EYS: variants seen among roughly 807,000 people sequenced by gnomAD.
EYS encodes the protein EGF-like photoreceptor maintenance factor.
A neutral mutation model predicts 282.1 loss-of-function variants in EYS; 250 were observed. That is an observed-to-expected ratio of 0.89 (90% CI 0.80 to 0.98). The LOEUF (loss-of-function observed/expected upper bound fraction) is 0.98, where lower values mean the gene tolerates loss of function less well. Among genes scored for constraint, EYS ranks in the 50% least tolerant of loss-of-function variants. EYS has a pLI of 0.00. For missense variants in EYS, 4,016 were observed against 3,709.0 expected, an observed-to-expected ratio of 1.08 and a Z score of -2.15; for synonymous variants, 1,355 against 1,282.9, an observed-to-expected ratio of 1.06 and a Z score of -1.20.
In EYS at chr6:65,367,029, C is replaced by T. The variant is rs1764939160; in HGVS notation, c.1300-13412G>A. ...TTTATCTCAAGATACTTATCTTCAA[C>T]GTATCTGCAAAGTCCTTTTTGCCAT... On this transcript the variant is annotated intron_variant, in intron 8 of 42. Coordinates refer to ENST00000503581, the MANE Select transcript of EYS (RefSeq NM_001142800.2). Among the ~76,000 whole-genome samples, 2 of 151,604 alleles carry T rather than the reference C, an allele frequency of 1.3e-5. 1 individual carries two copies. The highest frequency in any genetic ancestry group is 1.3e-4 in the Admixed American group (2 of 14,922).
intron 5 of EYS, among the ~76,000 whole-genome samples, chr6:65,443,264 A>G (rs1268746267): frequency 9.5e-5 from 14 of 147,672 alleles, no homozygotes; most frequent in African/African-American, 2.9e-4. Flanking sequence ...ACATATATGC[A>G]AACATATAGA....
chr6:64,018,207 C>T (rs928791938), intron 33 of EYS, among the ~76,000 whole-genome samples: 69 of 152,034 alleles, frequency 4.5e-4, no homozygotes, highest in African/African-American at 1.6e-3. Context: ...GAAAAATATG[C>T]TACCATGGGA....
chr6:64,045,907 A>ATTATATATGTAATATATAATACATATATG (rs1770601308), intron 33 of EYS, among the ~76,000 whole-genome samples: 1 of 136,888 alleles, frequency 7.3e-6, no homozygotes, highest in Non-Finnish European at 1.7e-5. Flanking sequence ...TAATACATAT[A>ATTATATATGTAATATATAATACATATATG]TGTTTATTAT....
At chr6:64,392,650 C>T (rs1208106884) in intron 28 of EYS, among the ~76,000 whole-genome samples, 2 of 150,804 alleles carry the variant, frequency 1.3e-5, no homozygotes, top group African/African-American at 4.9e-5. Flanking sequence ...AAATTTATAG[C>T]ACTAAATGCC....
intron 26 of EYS, among the ~76,000 whole-genome samples, chr6:64,504,387 C>G (rs1013287779): frequency 1.3e-5 from 2 of 152,188 alleles, no homozygotes; most frequent in Non-Finnish European, 2.9e-5. Context: ...AATATAAGAA[C>G]CCATCTGACA....
intron 36 of EYS, among the ~76,000 whole-genome samples, chr6:63,813,162 T>C (rs1771092058): frequency 6.6e-6 from 1 of 151,992 alleles, no homozygotes; most frequent in East Asian, 1.9e-4. Flanking sequence ...TATTTTTTTG[T>C]AGAGATGGGG....
chr6:63,961,216 T>G (rs560378239), intron 35 of EYS, among the ~76,000 whole-genome samples: 1 of 152,314 alleles, frequency 6.6e-6, no homozygotes, highest in South Asian at 2.1e-4. Flanking sequence ...GGGTCCAAGC[T>G]AAGCCATCAT....
Position 65,330,693 on chromosome 6 carries a change from T to C in EYS, c.1766+4287A>G, listed in dbSNP as rs975632288. 7 of 944,278 alleles carry C rather than the reference T, an allele frequency of 7.4e-6. 1 individual carries two copies. The African/African-American group carries it at 1.2e-4, about 17-fold the overall frequency. The allele number at this position is 944,278 out of a possible 1,614,324, so 58.5% of individuals were successfully genotyped here. Reference sequence around the variant, plus strand: ...TCATCAACATTATTAGTGTCTATCATTATAATACTATCATTATTTTGCCTT... The same window carrying C: ...TCATCAACATTATTAGTGTCTATCACTATAATACTATCATTATTTTGCCTT... On this transcript the variant is annotated intron_variant, in intron 11 of 42. Transcript: ENST00000503581.
intron 31 of EYS, among the ~76,000 whole-genome samples, chr6:64,085,020 T>TG (rs912696283): frequency 3.3e-5 from 5 of 151,696 alleles, no homozygotes; most frequent in African/African-American, 1.2e-4. Flanking sequence ...TTTCTTCTGT[T>TG]GTTTTTTTTG....
chr6:63,850,320 C>A (rs1235112847), intron 36 of EYS, among the ~76,000 whole-genome samples: 2 of 152,014 alleles, frequency 1.3e-5, no homozygotes, highest in Non-Finnish European at 2.9e-5. Flanking sequence ...TCAGGAAATA[C>A]AGAGAACACC....
rs1034996144 is a variant in EYS, at chr6:63,806,286, T to A, written c.7315A>T (p.Ser2439Cys). 4 of 1,551,590 alleles carry A rather than the reference T, an allele frequency of 2.6e-6. No homozygotes were observed. In the African/African-American group the frequency reaches 5.5e-5, roughly 21 times the overall value. Residue 2439 changes from serine to cysteine, a missense_variant, in exon 37 of 43, where the codon AGC becomes TGC. Ser to Cys is a moderately radical substitution (Grantham distance 112). Transcript: ENST00000503581. ...TTCAGGTGGAATTCATAATGGAAGC[T>A]GATGTCTGAGATCCGTGAATAAGCC... ...FLAYSRISDI[S>C]FHYEFHLKFQ...
At chr6:64,165,240 AAAC>A (rs1354488416) in intron 31 of EYS, among the ~76,000 whole-genome samples, 1 of 152,120 alleles carries the variant, frequency 6.6e-6, no homozygotes, top group Non-Finnish European at 1.5e-5. Context: ...TCTTTCATGA[AAAC>A]AAAGCAGAAT....
chr6:65,215,861 T>A (rs1766298806), intron 12 of EYS, among the ~76,000 whole-genome samples: 1 of 152,198 alleles, frequency 6.6e-6, no homozygotes, highest in South Asian at 2.1e-4. Flanking sequence ...CAGATGATTG[T>A]TAGCATATTT....
At chr6:65,120,313 CT>C in intron 12 of EYS, among the ~76,000 whole-genome samples, 1 of 151,496 alleles carries the variant, frequency 6.6e-6, no homozygotes, top group Non-Finnish European at 1.5e-5. Context: ...AAAACAACAC[CT>C]TTTTTTAAAA....
chr6:65,184,837 T>C (rs1765478191), intron 12 of EYS, among the ~76,000 whole-genome samples: 2 of 151,680 alleles, frequency 1.3e-5, no homozygotes, highest in African/African-American at 4.8e-5. Context: ...CAATAAAATC[T>C]ACCCCATTTC....
intron 33 of EYS, among the ~76,000 whole-genome samples, chr6:64,057,508 A>G (rs1422255868): frequency 6.6e-6 from 1 of 152,012 alleles, no homozygotes; most frequent in Non-Finnish European, 1.5e-5. Flanking sequence ...TTTTGGAATT[A>G]TGCATTTCCA....
chr6:65,267,154 A>T (rs1281612861), intron 12 of EYS, among the ~76,000 whole-genome samples: 1 of 151,778 alleles, frequency 6.6e-6, no homozygotes, highest in Non-Finnish European at 1.5e-5. Context: ...ATTTGAAAAT[A>T]CGGACTCCTG....
chr6:63,999,213 A>T (rs953785867), intron 33 of EYS, 30 bp from the exon 34 acceptor site: 1 of 1,462,020 alleles, frequency 6.8e-7, no homozygotes, highest in African/African-American at 1.4e-5. Flanking sequence ...GGCCATTATG[A>T]TATGTGTTTT....
chr6:64,479,650 T>C (rs1459502048), intron 26 of EYS, among the ~76,000 whole-genome samples: 1 of 151,896 alleles, frequency 6.6e-6, no homozygotes, highest in East Asian at 1.9e-4. Flanking sequence ...TTCCTATATT[T>C]AGAGATAATT....
Sources: allele counts gnomAD v4.1 joint callset (sites outside exome capture counted in the v4.1 genomes callset), GRCh38; gene constraint gnomAD v4.1.1; transcripts MANE v1.5; gene names NCBI Gene and HGNC (gene_info 2026-07-23, HGNC 2026-07-21).